IFT88: variants seen among roughly 807,000 people sequenced by gnomAD.
IFT88 encodes intraflagellar transport 88, also known as intraflagellar transport protein 88 homolog.
IFT88 carries 74 observed loss-of-function variants against 119.5 expected under a neutral mutation model. The ratio of observed to expected loss-of-function variants is 0.62; its 90% CI spans 0.51 to 0.75. IFT88 has a LOEUF of 0.75. Ranked by LOEUF, IFT88 falls within the 30% of genes least tolerant of loss-of-function variation. The pLI is 0.00. For missense variants in IFT88, 961 were observed against 977.7 expected, an observed-to-expected ratio of 0.98 and a Z score of 0.23; for synonymous variants, 279 against 316.7, an observed-to-expected ratio of 0.88 and a Z score of 1.26.
At chr13:20,570,277 T>G (rs2036055192) in intron 1 of IFT88, among the ~76,000 whole-genome samples, 1 of 152,218 alleles carries the variant, frequency 6.6e-6, no homozygotes, top group Non-Finnish European at 1.5e-5. Context: ...GCAGGTGGGA[T>G]GTAAAATAGT....
At chr13:20,658,932 A>G (rs1566389685) in intron 22 of IFT88, among the ~76,000 whole-genome samples, 2 of 152,212 alleles carry the variant, frequency 1.3e-5, no homozygotes, top group South Asian at 4.1e-4. Context: ...ATGATTGTCT[A>G]TGCCATAGAG....
chr13:20,644,446 A>C (rs753978470), intron 19 of IFT88, among the ~76,000 whole-genome samples: 1 of 152,126 alleles, frequency 6.6e-6, no homozygotes, highest in African/African-American at 2.4e-5. Flanking sequence ...GGTTGTAGTG[A>C]GCCAAGATCG....
intron 22 of IFT88, 138 bp downstream of exon 22, chr13:20,656,568 A>G (rs2052849459): frequency 1.0e-5 from 4 of 387,190 alleles, no homozygotes; most frequent in Admixed American, 4.6e-5. Context: ...AAATATTTTT[A>G]TAGCATCAGA....
intron 14 of IFT88, among the ~76,000 whole-genome samples, chr13:20,618,543 G>A (rs1044438982): frequency 2.0e-5 from 3 of 152,128 alleles, no homozygotes; most frequent in African/African-American, 4.8e-5. Flanking sequence ...TTATAAAGCC[G>A]CCTAGGGGGT....
intron 15 of IFT88, among the ~76,000 whole-genome samples, chr13:20,628,352 C>T (rs1260123156): frequency 1.3e-5 from 2 of 152,076 alleles, no homozygotes; most frequent in Admixed American, 6.5e-5. Context: ...GGAGGCTCAG[C>T]GGAATGCTGA....
In IFT88 at chr13:20,643,467, G is replaced by A; in HGVS notation, c.1695G>A (p.Met565Ile). ...LYQIANIYEL[M>I]ENPSQAIEWL... ...GACATTGCATAAGATATGAATTAAT[G>A]GAAAATCCCAGTCAAGCTATTGAAT... Residue 565 changes from methionine (M) to isoleucine (I), a missense_variant, in exon 19 of 26, where the codon ATG (methionine) becomes ATA (isoleucine). By Grantham distance (10) the Met-to-Ile change is conservative. Transcript: ENST00000351808. 6.3e-7 allele frequency: 1 copy of A among 1,597,208 alleles called. No individual in the cohort carries two copies. Among genetic ancestry groups the A allele is most frequent in the Admixed American group, 1.8e-5 (1 of 54,596 alleles).
chr13:20,663,409 T>C, intron 22 of IFT88, 89 bp from the exon 23 acceptor site: 2 of 1,562,178 alleles, frequency 1.3e-6, no homozygotes, highest in Non-Finnish European at 1.7e-6. Flanking sequence ...CCTACCTGTA[T>C]CCCAAAAGAC....
intron 17 of IFT88, among the ~76,000 whole-genome samples, chr13:20,638,896 C>T (rs2497492): frequency 0.21 from 32,246 of 152,150 alleles, 3,951 homozygotes; most frequent in African/African-American, 0.31. Flanking sequence ...TTCAAACATG[C>T]ACAAAAGTAC....
In IFT88 at chr13:20,605,100, T is replaced by C. The variant is rs143814635; in HGVS notation, c.1107T>C (p.Arg369=). 1.7e-4 allele frequency: 232 copies of C among 1,394,112 alleles called. No individual in the cohort carries two copies. Among genetic ancestry groups the C allele is most frequent in the Non-Finnish European group, 2.2e-4 (218 of 990,860 alleles). The allele number at this position is 1,394,112 out of a possible 1,614,324, so 86.4% of individuals were successfully genotyped here. A position where few individuals can be genotyped will look rare whatever the true frequency, so the allele number is the denominator to read the frequency against. Residue 369 remains arginine (R), a synonymous_variant, in exon 13 of 26, where the codon CGT becomes CGC. Coordinates refer to ENST00000351808, the MANE Select transcript of IFT88 (RefSeq NM_006531.5). ...ATGATCACCTCAGGCAAATGGAACG[T>C]GAAAGGTAATATTTTAAACTTAATA... is the stretch of plus-strand genomic sequence containing the variant. ...IKNDHLRQME[R]ERKAMAEKYI...
At position 20,639,433 on chromosome 13, in the gene IFT88, A is replaced by G. The variant is rs539267321; in HGVS notation, c.1573+915A>G. On this transcript the variant is annotated intron_variant, in intron 17 of 25. Transcript: ENST00000351808. ...GTCAATTGGATCTTTCCTCCCAGAAAAGACTCTTTAATCTCCTGCCTGAAG... is the reference window on the plus strand; with the variant it reads ...GTCAATTGGATCTTTCCTCCCAGAAGAGACTCTTTAATCTCCTGCCTGAAG... Among the ~76,000 whole-genome samples the G allele has an allele frequency of 4.6e-5, 7 of 152,298 alleles. No individual in the cohort carries two copies. In the South Asian group the frequency reaches 1.5e-3, roughly 32 times the overall value.
chr13:20,689,094 C>T lies in IFT88; in HGVS notation c.2243-1611C>T, dbSNP rs569051111. 6.8e-4 allele frequency among the ~76,000 whole-genome samples: 103 copies of T among 152,146 alleles called. 1 individual carries two copies. Among genetic ancestry groups the T allele is most frequent in the South Asian group, 3.9e-3 (19 of 4,814 alleles). ...GATTACAGGTGTGCACCACCACGCC[C>T]GGCTAATTTTTGTATTTTTAGTAGA... On this transcript the variant is annotated intron_variant, in intron 24 of 25. Transcript: ENST00000351808.
chr13:20,657,269 A>G (rs2052988924), intron 22 of IFT88, among the ~76,000 whole-genome samples: 1 of 152,248 alleles, frequency 6.6e-6, no homozygotes, highest in African/African-American at 2.4e-5. Flanking sequence ...CTTGTTGCAC[A>G]GTGGATTGAT....
At chr13:20,596,814 C>T (rs1367023802) in intron 8 of IFT88, among the ~76,000 whole-genome samples, 1 of 152,156 alleles carries the variant, frequency 6.6e-6, no homozygotes, top group Admixed American at 6.5e-5. Context: ...TTTTACTACT[C>T]ATAGAACTGG....
chr13:20,583,760 G>T (rs957785992), intron 3 of IFT88, among the ~76,000 whole-genome samples: 38 of 152,000 alleles, frequency 2.5e-4, no homozygotes, highest in Admixed American at 3.3e-4. Context: ...TGTAGTTTTA[G>T]GTCTTACCTT....
At chr13:20,615,697 TAG>T in intron 13 of IFT88, 94 bp from the exon 14 acceptor site, 5 of 604,188 alleles carry the variant, frequency 8.3e-6, no homozygotes, top group Non-Finnish European at 1.4e-5. Context: ...TGTGGTATGT[TAG>T]TTTTGATAGA....
At chr13:20,666,319 C>T (rs1339200922) in intron 23 of IFT88, among the ~76,000 whole-genome samples, 1 of 152,202 alleles carries the variant, frequency 6.6e-6, no homozygotes, top group Non-Finnish European at 1.5e-5. Flanking sequence ...AATGATCCTG[C>T]ACTTGGATGT....
Position 20,578,877 on chromosome 13 carries a change from G to C in IFT88, c.91-4080G>C, listed in dbSNP as rs140644688. Among the ~76,000 whole-genome samples, 209 of 152,242 alleles carry C rather than the reference G, an allele frequency of 1.4e-3. 1 individual carries two copies. The highest frequency in any genetic ancestry group is 2.4e-3 in the Non-Finnish European group (166 of 67,994). On this transcript the variant is annotated intron_variant, in intron 2 of 25. Coordinates refer to ENST00000351808, the MANE Select transcript of IFT88 (RefSeq NM_006531.5). The stretch of plus-strand genomic sequence containing the variant: ...CCTTCACATTTCTATGGTATCAGTT[G>C]TAATGTCCCTTTTTTATCTCTGATT...
At chr13:20,599,600 TTAAG>T (rs2042273681) in intron 11 of IFT88, 35 bp downstream of exon 11, 2 of 958,044 alleles carry the variant, frequency 2.1e-6, no homozygotes, top group African/African-American at 3.4e-5. Flanking sequence ...ATTGTAAAAT[TTAAG>T]TGTTTTTCTG....
chr13:20,592,482 T>G (rs2040852067), intron 7 of IFT88, 78 bp downstream of exon 7: 2 of 1,143,400 alleles, frequency 1.7e-6, no homozygotes, highest in East Asian at 2.5e-5. Flanking sequence ...CACAATTTTT[T>G]TTTTTGAGAT....
Sources: gnomAD v4.1 joint callset for allele counts (sites outside exome capture counted in the v4.1 genomes callset) on GRCh38, gnomAD v4.1.1 for gene constraint, MANE v1.5 for transcripts, NCBI Gene and HGNC (gene_info 2026-07-23, HGNC 2026-07-21) for gene names.